Variants in JPH3 observed in about 807,000 individuals in gnomAD.
JPH3 encodes junctophilin-3.
A neutral mutation model predicts 59.6 loss-of-function variants in JPH3; 11 were observed. The observed-to-expected ratio is 0.18, with a 90% CI of 0.12 to 0.31. The LOEUF is 0.31. JPH3 is among the 10% of genes least tolerant of loss of function. The pLI is 1.00. For synonymous variants in JPH3, 673 were observed against 483.6 expected, an observed-to-expected ratio of 1.39 and a Z score of -5.14; for missense variants, 1,202 against 1,105.7, an observed-to-expected ratio of 1.09 and a Z score of -1.24.
rs2030504297 is a variant in JPH3, at chr16:87,605,983, C to G, written c.382+2455C>G. Among the ~76,000 whole-genome samples, 3 of 152,218 alleles carry G rather than the reference C, an allele frequency of 2.0e-5. No individual in the cohort carries two copies. In the South Asian group the frequency reaches 6.2e-4, roughly 32 times the overall value. On this transcript the variant is annotated intron_variant, in intron 1 of 4. Coordinates refer to ENST00000284262, the MANE Select transcript of JPH3 (RefSeq NM_020655.4). ...AGGAAATAGAATTGACCCTTCTGGTCTTGAGGACTCGGGCCTGGACATCTG... is the reference window on the plus strand; with the variant it reads ...AGGAAATAGAATTGACCCTTCTGGTGTTGAGGACTCGGGCCTGGACATCTG...
intron 2 of JPH3, among the ~76,000 whole-genome samples, chr16:87,646,349 A>G (rs553327713): frequency 1.3e-5 from 2 of 152,372 alleles, no homozygotes; most frequent in East Asian, 3.9e-4. Context: ...GATTCCAAGA[A>G]GCTGAAAGAA....
At position 87,642,308 on chromosome 16, in the gene JPH3, C is replaced by T. The variant is rs918729009; in HGVS notation, c.383-1950C>T. The stretch of plus-strand genomic sequence containing the variant: ...CCGAGAGATGGCGGCACCTGCCACC[C>T]GCTGCAGCCTCTCCGTTTAAAAAGT... On this transcript the variant is annotated intron_variant, in intron 1 of 4. Coordinates refer to ENST00000284262, the MANE Select transcript of JPH3 (RefSeq NM_020655.4). Among the ~76,000 whole-genome samples, 9 of 152,182 alleles carry T rather than the reference C, an allele frequency of 5.9e-5. No homozygotes were observed. The South Asian group carries it at 1.5e-3, about 25-fold the overall frequency.
intron 2 of JPH3, among the ~76,000 whole-genome samples, chr16:87,660,967 C>A (rs1310457115): frequency 1.3e-5 from 2 of 152,218 alleles, no homozygotes; most frequent in African/African-American, 4.8e-5. Flanking sequence ...TGACTGGGAT[C>A]AGAAGTGTTT....
At chr16:87,641,033 A>G (rs2031932280) in intron 1 of JPH3, among the ~76,000 whole-genome samples, 1 of 152,196 alleles carries the variant, frequency 6.6e-6, no homozygotes, top group Non-Finnish European at 1.5e-5. Flanking sequence ...AGCAAGCCAC[A>G]GGGTTTCCCC....
rs12051237 is a variant in JPH3, at chr16:87,691,173, G to T, written c.2166+647G>T. 4.5e-4 allele frequency among the ~76,000 whole-genome samples: 69 copies of T among 152,212 alleles called. No individual in the cohort carries two copies. The East Asian group carries it at 0.013, about 28-fold the overall frequency. On this transcript the variant is annotated intron_variant, in intron 4 of 4. Transcript: ENST00000284262. ...GGGCTAGACTCGGCGCGAGGCTGGG[G>T]GTCCCAGGCTAGACTCGGTGTGCGA...
In JPH3 at chr16:87,645,517, G is replaced by A. The variant is rs111868681; in HGVS notation, c.1160+482G>A. 3.0e-3 allele frequency among the ~76,000 whole-genome samples: 455 copies of A among 152,308 alleles called. 4 individuals are homozygous for A. The highest frequency in any genetic ancestry group is 8.6e-3 in the African/African-American group (359 of 41,568). On this transcript the variant is annotated intron_variant, in intron 2 of 4. Coordinates refer to ENST00000284262, the MANE Select transcript of JPH3 (RefSeq NM_020655.4). ...AGATTCTTCCGGGACCCTGGGAGAT[G>A]GCAGCAGTTGGGAGGCCAATTCCGA...
intron 2 of JPH3, among the ~76,000 whole-genome samples, chr16:87,647,765 C>T (rs554539788): frequency 1.3e-5 from 2 of 152,194 alleles, no homozygotes; most frequent in Non-Finnish European, 2.9e-5. Flanking sequence ...ACCTGTGGAG[C>T]CAGGGTGTAC....
chr16:87,621,406 G>C (rs1567585382), intron 1 of JPH3, among the ~76,000 whole-genome samples: 1 of 152,234 alleles, frequency 6.6e-6, no homozygotes, highest in African/African-American at 2.4e-5. Flanking sequence ...GGGCTTCAGG[G>C]TGGTCTGGGC....
At chr16:87,670,700 G>C (rs1274127057) in intron 2 of JPH3, among the ~76,000 whole-genome samples, 1 of 152,246 alleles carries the variant, frequency 6.6e-6, no homozygotes, top group Non-Finnish European at 1.5e-5. Flanking sequence ...GGACAGCACT[G>C]GTGAAAAACC....
chr16:87,664,203 C>T (rs568576231), intron 2 of JPH3, among the ~76,000 whole-genome samples: 6 of 151,956 alleles, frequency 3.9e-5, no homozygotes, highest in Admixed American at 2.6e-4. Flanking sequence ...TGGTGGAAGG[C>T]GCCTGTAGTC....
intron 2 of JPH3, among the ~76,000 whole-genome samples, chr16:87,645,637 G>T (rs1222496274): frequency 2.0e-5 from 3 of 152,216 alleles, no homozygotes; most frequent in African/African-American, 4.8e-5. Flanking sequence ...GTCCAGTGGG[G>T]CCTCTAGGCC....
intron 2 of JPH3, among the ~76,000 whole-genome samples, chr16:87,677,185 T>TATATATACACACAC (rs1491266129): frequency 1.2e-4 from 11 of 95,158 alleles, no homozygotes; most frequent in African/African-American, 3.3e-4. Flanking sequence ...TATATATATA[T>TATATATACACACAC]ACACACACAC....
intron 1 of JPH3, among the ~76,000 whole-genome samples, chr16:87,620,457 A>AGAGAGAGAGAGAGAAGGAGAG (rs1555534442): frequency 3.4e-4 from 32 of 94,890 alleles, no homozygotes; most frequent in African/African-American, 1.0e-3. Context: ...AGAGAGAAGG[A>AGAGAGAGAGAGAGAAGGAGAG]GAGAGAGGGA....
chr16:87,652,838 C>T (rs1037216169), intron 2 of JPH3, among the ~76,000 whole-genome samples: 1 of 152,228 alleles, frequency 6.6e-6, no homozygotes, highest in Non-Finnish European at 1.5e-5. Context: ...CTTGACTGGG[C>T]ATGTAGATCA....
intron 2 of JPH3, among the ~76,000 whole-genome samples, chr16:87,671,802 A>G (rs1023982647): frequency 1.2e-4 from 18 of 152,332 alleles, no homozygotes; most frequent in African/African-American, 4.3e-4. Context: ...AGCCCACTCC[A>G]GGCACAGGGG....
chr16:87,618,106 G>A (rs371524907), intron 1 of JPH3, among the ~76,000 whole-genome samples: 12 of 152,212 alleles, frequency 7.9e-5, no homozygotes, highest in Non-Finnish European at 1.3e-4. Flanking sequence ...GCAGGTTGCA[G>A]TGAGTTGAGA....
chr16:87,610,245 T>C (rs1005565434), intron 1 of JPH3, among the ~76,000 whole-genome samples: 5 of 152,216 alleles, frequency 3.3e-5, no homozygotes, highest in Non-Finnish European at 7.3e-5. Context: ...CACCTCCTGC[T>C]GTGTGGCTGG....
At chr16:87,691,528 T>C (rs955098230) in intron 4 of JPH3, among the ~76,000 whole-genome samples, 4 of 152,122 alleles carry the variant, frequency 2.6e-5, no homozygotes, top group African/African-American at 9.7e-5. Context: ...GTAGGTTTAT[T>C]GTCGACGCTG....
At position 87,690,225 on chromosome 16, in the gene JPH3, A is replaced by T; in HGVS notation, c.1865A>T (p.Glu622Val). Residue 622 changes from glutamate (E) to valine (V), a missense_variant, in exon 4 of 5, where the codon GAG becomes GTG. Transcript: ENST00000284262. ...GAGATGAAACCCTTGCTGAGGATGG[A>T]GACGCATCCCCAGAAAAGACGCTAC... is the stretch of plus-strand genomic sequence containing the variant. The part of the protein sequence containing the change: ...RMEMKPLLRM[E>V]THPQKRRYSK... The T allele has an allele frequency of 6.2e-7, 1 of 1,604,660 alleles. No individual in the cohort carries two copies. The highest frequency in any genetic ancestry group is 8.5e-7 in the Non-Finnish European group (1 of 1,176,218).
Sources: gnomAD v4.1 joint callset for allele counts (sites outside exome capture counted in the v4.1 genomes callset) on GRCh38, gnomAD v4.1.1 for gene constraint, MANE v1.5 for transcripts, NCBI Gene and HGNC (gene_info 2026-07-23, HGNC 2026-07-21) for gene names.